RUFY1: variants seen among roughly 807,000 people sequenced by gnomAD.
RUFY1 encodes RUN and FYVE domain containing 1, also known as RUN and FYVE domain-containing protein 1.
Under a neutral mutation model 94.6 loss-of-function variants are expected in RUFY1, and 54 were observed. The observed-to-expected ratio is 0.57, with a 90% CI of 0.46 to 0.72. The LOEUF is 0.72. RUFY1 is among the 30% of genes least tolerant of loss of function. The pLI, the probability that RUFY1 is intolerant of heterozygous loss-of-function variation, is 0.00. For synonymous variants in RUFY1, 396 were observed against 347.3 expected (o/e 1.14, Z -1.56); for missense variants, 883 against 883.9 (o/e 1.00, Z 0.01).
chr5:179,551,799 C>A (rs973325547), intron 1 of RUFY1, among the ~76,000 whole-genome samples: 1 of 150,924 alleles, frequency 6.6e-6, no homozygotes, highest in African/African-American at 2.4e-5. Flanking sequence ...AGGCTTGAGC[C>A]ACCGCGCCCG....
rs541001582 is a variant in RUFY1, at chr5:179,577,741, T to C, written c.890+605T>C. 4.2e-4 allele frequency among the ~76,000 whole-genome samples: 64 copies of C among 151,686 alleles called. No homozygotes were observed. In the East Asian group the frequency reaches 0.012, roughly 28 times the overall value. The stretch of plus-strand genomic sequence containing the variant: ...GGCAGGGCAGGTTAGGTGTGTCCGC[T>C]CCTTTCACACTCACCGGTGGTCGGG... On this transcript the variant is annotated intron_variant, in intron 6 of 17. Transcript: ENST00000319449.
At chr5:179,591,178 C>CT (rs1395949065) in intron 9 of RUFY1, among the ~76,000 whole-genome samples, 25 of 150,492 alleles carry the variant, frequency 1.7e-4, no homozygotes, top group African/African-American at 4.7e-4. Flanking sequence ...TCTCATTCTT[C>CT]TTTTTTTTGT....
At chr5:179,586,477 TAGC>T (rs1764613880) in intron 8 of RUFY1, 1 of 455,666 alleles carries the variant, frequency 2.2e-6, no homozygotes, top group Admixed American at 2.4e-5. Flanking sequence ...TTTCCACAGG[TAGC>T]AGTCCCCGGC....
chr5:179,582,488 A>G (rs1393020452), intron 7 of RUFY1, among the ~76,000 whole-genome samples: 1 of 152,050 alleles, frequency 6.6e-6, no homozygotes, highest in Non-Finnish European at 1.5e-5. Flanking sequence ...TAGCCTCCCA[A>G]CTGCTGGGTT....
At chr5:179,555,086 T>C (rs1259832242) in intron 1 of RUFY1, among the ~76,000 whole-genome samples, 1 of 152,230 alleles carries the variant, frequency 6.6e-6, no homozygotes, top group African/African-American at 2.4e-5. Context: ...CTGGCTGTTT[T>C]CACGCAAGCA....
Position 179,561,678 on chromosome 5 carries a change from C to CTTTTTTT in RUFY1, c.485-850_485-844dup, listed in dbSNP as rs71001004. 1.7e-3 allele frequency among the ~76,000 whole-genome samples: 113 copies of CTTTTTTT among 64,598 alleles called. 3 individuals are homozygous for CTTTTTTT. Among genetic ancestry groups the CTTTTTTT allele is most frequent in the South Asian group, 2.4e-3 (4 of 1,676 alleles). 42.4% of individuals were successfully genotyped at this position (64,598 alleles called of 152,430 possible). A position where few individuals can be genotyped will look rare whatever the true frequency, so the allele number is the denominator to read the frequency against. The stretch of plus-strand genomic sequence containing the variant: ...CTATAAGGCAACTGTTTTTTTCTTT[C>CTTTTTTT]TTTTTTTTTTTTTTTTTTTTTTTTT... On this transcript the variant is annotated intron_variant, in intron 2 of 17. Coordinates refer to ENST00000319449, the MANE Select transcript of RUFY1 (RefSeq NM_025158.5).
chr5:179,585,236 T>G (rs1340470350), intron 7 of RUFY1, among the ~76,000 whole-genome samples: 1 of 152,174 alleles, frequency 6.6e-6, no homozygotes, highest in East Asian at 1.9e-4. Context: ...TTTTGGTTTC[T>G]ATCACCATTT....
intron 13 of RUFY1, 97 bp downstream of exon 13, chr5:179,596,778 GA>G (rs1167362071): frequency 2.5e-6 from 2 of 791,764 alleles, no homozygotes; most frequent in Non-Finnish European, 3.6e-6. Flanking sequence ...CGAACGGGAG[GA>G]GGGGGGGCGG....
chr5:179,560,725 C>CAAAAAAAAAAAAAAAAAA (rs68093858), intron 2 of RUFY1, among the ~76,000 whole-genome samples: 1 of 78,794 alleles, frequency 1.3e-5, no homozygotes, highest in Non-Finnish European at 2.5e-5. Flanking sequence ...GACTCCGTCT[C>CAAAAAAAAAAAAAAAAAA]AAAAAAAAAA....
intron 6 of RUFY1, 34 bp from the exon 7 acceptor site, chr5:179,580,909 TAAAA>T (rs761601426): frequency 4.2e-6 from 5 of 1,183,864 alleles, no homozygotes; most frequent in African/African-American, 1.5e-5. Context: ...TAACCATTAA[TAAAA>T]AAAAGTTCTT....
At chr5:179,602,083 G>A in intron 15 of RUFY1, 97 bp downstream of exon 15, 1 of 1,007,154 alleles carries the variant, frequency 9.9e-7, no homozygotes, top group Non-Finnish European at 1.5e-6. Context: ...GCGAACGGAG[G>A]GTGGGCCATT....
intron 17 of RUFY1, chr5:179,608,686 G>C (rs1767366710): frequency 1.0e-6 from 1 of 954,760 alleles, no homozygotes; most frequent in African/African-American, 1.8e-5. Context: ...CTAGCACTTT[G>C]GGAGGCTGAG....
rs1305445604 is a variant in RUFY1, at chr5:179,550,578, C to T, written c.9C>T (p.Asp3=). 121 of 1,237,034 alleles carry T rather than the reference C, an allele frequency of 9.8e-5. No individual in the cohort carries two copies. The highest frequency in any genetic ancestry group is 1.2e-4 in the Non-Finnish European group (114 of 982,144). The allele number at this position is 1,237,034 out of a possible 1,614,324, so 76.6% of individuals were successfully genotyped here. ...CACATGACACGGCCAAGATGGCCGA[C>T]CGGGAAGGCGGCTGCGCTGCTGGGC... The part of the protein sequence containing the change: MA[D]REGGCAAGRG... Residue 3 remains aspartate (D), a synonymous_variant, in exon 1 of 18, where the codon GAC becomes GAT. Coordinates refer to ENST00000319449, the MANE Select transcript of RUFY1 (RefSeq NM_025158.5).
chr5:179,560,592 AGC>A (rs1762377809), intron 2 of RUFY1, among the ~76,000 whole-genome samples: 1 of 150,298 alleles, frequency 6.7e-6, no homozygotes, highest in Non-Finnish European at 1.5e-5. Flanking sequence ...TGGGCGTGGT[AGC>A]GGGCGCCTGT....
rs373665202 is a variant in RUFY1, at chr5:179,594,877, C to T, written c.1425C>T (p.Ser475=). ...CTTTGCTTTTGTAGAATGCAGAGAG[C>T]AGTTTGCAGCAGAAGAATGAAGCCA... ...QMFHKAQNAE[S]SLQQKNEAIT... Residue 475 remains serine, a synonymous_variant, in exon 12 of 18, where the codon AGC becomes AGT. Coordinates refer to ENST00000319449, the MANE Select transcript of RUFY1 (RefSeq NM_025158.5). The T allele has an allele frequency of 8.7e-6, 14 of 1,610,536 alleles. No homozygotes were observed. In the Middle Eastern group the frequency reaches 6.6e-4, roughly 76 times the overall value.
chr5:179,608,273 TC>T, intron 17 of RUFY1: 1 of 986,764 alleles, frequency 1.0e-6, no homozygotes, highest in Non-Finnish European at 1.2e-6. Context: ...TTCTGTCTGT[TC>T]CCATCAACAG....
At chr5:179,555,431 C>T (rs946723366) in intron 1 of RUFY1, among the ~76,000 whole-genome samples, 3 of 152,034 alleles carry the variant, frequency 2.0e-5, no homozygotes, top group Admixed American at 2.0e-4. Context: ...GCTAAAAGAT[C>T]GTTCCAGGTT....
intron 3 of RUFY1, 83 bp downstream of exon 3, chr5:179,562,747 G>T (rs1442989821): frequency 1.5e-5 from 12 of 780,862 alleles, no homozygotes; most frequent in Non-Finnish European, 2.7e-5. Flanking sequence ...TGCTGATGAA[G>T]CCCTTTCTAA....
chr5:179,590,018 A>C (rs1022265352), intron 9 of RUFY1, among the ~76,000 whole-genome samples: 2 of 152,080 alleles, frequency 1.3e-5, no homozygotes, highest in Non-Finnish European at 2.9e-5. Flanking sequence ...GTTTTGTAGA[A>C]TTGTTGGCTT....
Sources: allele counts gnomAD v4.1 joint callset (sites outside exome capture counted in the v4.1 genomes callset), GRCh38; gene constraint gnomAD v4.1.1; transcripts MANE v1.5; gene names NCBI Gene and HGNC (gene_info 2026-07-23, HGNC 2026-07-21).